The following NCOA2 variants were observed in gnomAD, a reference collection of about 807,000 sequenced individuals.
NCOA2 encodes the protein nuclear receptor coactivator 2, also known as class E basic helix-loop-helix protein 75.
A neutral mutation model predicts 145.1 loss-of-function variants in NCOA2; 21 were observed. The ratio of observed to expected loss-of-function variants is 0.14; its 90% CI spans 0.10 to 0.21. The LOEUF is 0.21. NCOA2 is among the 10% of genes least tolerant of loss of function. The pLI is 1.00. For synonymous variants in NCOA2, 619 were observed against 637.5 expected, an observed-to-expected ratio of 0.97 and a Z score of 0.44; for missense variants, 1,472 against 1,837.6, an observed-to-expected ratio of 0.80 and a Z score of 3.64.
chr8:70,312,592 C>A (rs889799516), intron 1 of NCOA2, among the ~76,000 whole-genome samples: 2 of 151,702 alleles, frequency 1.3e-5, no homozygotes, highest in African/African-American at 4.9e-5. Context: ...GAAAACACTT[C>A]TGTGTATTTT....
chr8:70,224,186 C>T (rs904113405), intron 2 of NCOA2, among the ~76,000 whole-genome samples: 3 of 152,074 alleles, frequency 2.0e-5, no homozygotes, highest in East Asian at 1.9e-4. Context: ...AATTATTCCC[C>T]GAAGATAAGC....
chr8:70,421,435 C>G, the NCOA2 span, among the ~76,000 whole-genome samples: 1 of 151,962 alleles, frequency 6.6e-6, no homozygotes, highest in African/African-American at 2.4e-5. Flanking sequence ...GCATGCGCCT[C>G]TAGTCGTAGC....
intron 1 of NCOA2, among the ~76,000 whole-genome samples, chr8:70,376,336 T>C (rs1419648688): frequency 1.3e-5 from 2 of 151,692 alleles, no homozygotes; most frequent in Non-Finnish European, 1.5e-5. Flanking sequence ...TAGTAAAAAA[T>C]ACATTTTACA....
chr8:70,211,759 C>A (rs1236010677), intron 4 of NCOA2, among the ~76,000 whole-genome samples: 1 of 152,142 alleles, frequency 6.6e-6, no homozygotes, highest in African/African-American at 2.4e-5. Flanking sequence ...CGGAAAATAT[C>A]AGAGTAGTTG....
rs553270485 is a variant in NCOA2 at position 70,354,710 on chromosome 8, TAA to T, written c.-77+48988_-77+48989del. ...TCGTATCTCTTAGATGAACTAATAT[TAA>T]GAGTTTAATATTAATGATACTTAAG... is the stretch of plus-strand genomic sequence containing the variant. On this transcript the variant is annotated intron_variant, in intron 1 of 22. Transcript: ENST00000452400. Among the ~76,000 whole-genome samples the T allele has an allele frequency of 1.5e-3, 230 of 152,264 alleles. 1 individual carries two copies. Among genetic ancestry groups the T allele is most frequent in the Non-Finnish European group, 2.0e-3 (137 of 68,024 alleles).
intron 2 of NCOA2, among the ~76,000 whole-genome samples, chr8:70,274,076 A>G (rs1825283523): frequency 6.6e-6 from 1 of 152,212 alleles, no homozygotes; most frequent in South Asian, 2.1e-4. Flanking sequence ...CTGTGAATAA[A>G]GTTTGAAACA....
At chr8:70,336,266 T>C (rs1322510860) in intron 1 of NCOA2, among the ~76,000 whole-genome samples, 1 of 152,198 alleles carries the variant, frequency 6.6e-6, no homozygotes. Flanking sequence ...TATAATCTTA[T>C]GGGACCACTG....
chr8:70,207,862 C>CAAAAAA (rs754670876), intron 4 of NCOA2, among the ~76,000 whole-genome samples: 44 of 35,946 alleles, frequency 1.2e-3, no homozygotes, highest in Admixed American at 1.7e-3. Context: ...GACTCCACCT[C>CAAAAAA]AAAAAAAAAA....
At chr8:70,382,458 A>C (rs951723271) in intron 1 of NCOA2, among the ~76,000 whole-genome samples, 1 of 152,202 alleles carries the variant, frequency 6.6e-6, no homozygotes, top group Admixed American at 6.5e-5. Context: ...CTTGGCCCCA[A>C]TGTGATAAAG....
chr8:70,435,906 C>T, the NCOA2 span, among the ~76,000 whole-genome samples: 1 of 152,074 alleles, frequency 6.6e-6, no homozygotes. Flanking sequence ...TTAAGCAATC[C>T]TCCTGCTTCA....
chr8:70,366,600 A>G (rs1348759326), intron 1 of NCOA2, among the ~76,000 whole-genome samples: 1 of 151,682 alleles, frequency 6.6e-6, no homozygotes, highest in African/African-American at 2.4e-5. Flanking sequence ...TTTTGATATA[A>G]AAGGTTTTCT....
intron 1 of NCOA2, among the ~76,000 whole-genome samples, chr8:70,380,869 G>A (rs949453603): frequency 6.6e-6 from 1 of 152,104 alleles, no homozygotes; most frequent in South Asian, 2.1e-4. Context: ...GAGTTCAGGA[G>A]TTCAAGATCA....
intron 1 of NCOA2, among the ~76,000 whole-genome samples, chr8:70,353,197 A>T (rs1449163146): frequency 6.6e-6 from 1 of 152,028 alleles, no homozygotes; most frequent in Non-Finnish European, 1.5e-5. Flanking sequence ...CCTCTTTAGG[A>T]AAACCAACCA....
rs774720184 is a variant in NCOA2 at position 70,138,243 on chromosome 8, T to C, written c.3118A>G (p.Ile1040Val). The C allele has an allele frequency of 1.2e-6, 2 of 1,613,840 alleles. No individual in the cohort carries two copies. The highest frequency in any genetic ancestry group is 1.1e-5 in the South Asian group (1 of 91,054). ...PNQTAPWPES[I>V]LPIDQASFAS... is the part of the protein sequence containing the mutation. The stretch of plus-strand genomic sequence containing the variant: ...AAAGACGCCTGGTCTATAGGCAGGA[T>C]GCTTTCAGGCCATGGGGCAGTCTGA... The change falls in exon 15 of 23, where the codon ATC becomes GTC. Residue 1040 changes from isoleucine to valine, a missense_variant. Ile to Val is a conservative substitution (Grantham distance 29, BLOSUM62 3). Transcript: ENST00000452400.
the NCOA2 span, among the ~76,000 whole-genome samples, chr8:70,426,060 A>G: frequency 6.6e-6 from 1 of 152,234 alleles, no homozygotes. Context: ...GAGAATAAAA[A>G]TTAGATGCTA....
In NCOA2 at chr8:70,157,237, C is replaced by T. The variant is rs771226163; in HGVS notation, c.1128G>A (p.Glu376=). 2.0e-6 allele frequency: 3 copies of T among 1,529,010 alleles called. No homozygotes were observed. The highest frequency in any genetic ancestry group is 4.3e-5 in the Admixed American group (2 of 46,456). The allele number at this position is 1,529,010 out of a possible 1,614,324, so 94.7% of individuals were successfully genotyped here. A position where few individuals can be genotyped will look rare whatever the true frequency, so the allele number is the denominator to read the frequency against. Residue 376 remains glutamate, a synonymous_variant, in exon 11 of 23, where the codon GAG becomes GAA. Coordinates refer to ENST00000452400, the MANE Select transcript of NCOA2 (RefSeq NM_006540.4). ...CCGGATTCATCACACACACATTCTG[C>T]TCTCTGTATAACGAGAAAAGAAAAA... is the stretch of plus-strand genomic sequence containing the variant. ...LVISLHMLHR[E]QNVCVMNPDL...
At chr8:70,393,803 C>T (rs1345155852) in intron 1 of NCOA2, among the ~76,000 whole-genome samples, 1 of 152,164 alleles carries the variant, frequency 6.6e-6, no homozygotes, top group Non-Finnish European at 1.5e-5. Context: ...AGATAATAAA[C>T]GATCGTGAGA....
At chr8:70,194,899 TTTAA>T (rs1363638605) in intron 4 of NCOA2, among the ~76,000 whole-genome samples, 2 of 151,878 alleles carry the variant, frequency 1.3e-5, no homozygotes, top group Non-Finnish European at 2.9e-5. Flanking sequence ...GGGTAACAGG[TTTAA>T]TTGTCTTTCC....
intron 1 of NCOA2, among the ~76,000 whole-genome samples, chr8:70,354,722 A>G (rs1239578201): frequency 6.6e-6 from 1 of 152,242 alleles, no homozygotes; most frequent in Non-Finnish European, 1.5e-5. Flanking sequence ...AGAGTTTAAT[A>G]TTAATGATAC....
Sources: gnomAD v4.1 joint callset for allele counts (sites outside exome capture counted in the v4.1 genomes callset) on GRCh38, gnomAD v4.1.1 for gene constraint, MANE v1.5 for transcripts, NCBI Gene and HGNC (gene_info 2026-07-23, HGNC 2026-07-21) for gene names.